Variants in PPIL2 observed in about 807,000 individuals in gnomAD.
PPIL2 encodes the protein peptidylprolyl isomerase like 2.
Under a neutral mutation model 75.2 loss-of-function variants are expected in PPIL2, and 50 were observed. That is an observed-to-expected ratio of 0.66 (90% CI 0.53 to 0.84). The LOEUF (loss-of-function observed/expected upper bound fraction) is 0.84, where lower values mean the gene tolerates loss of function less well. PPIL2 is among the 40% of genes least tolerant of loss of function. The pLI, the probability that PPIL2 is intolerant of heterozygous loss-of-function variation, is 0.00. For synonymous variants in PPIL2, 245 were observed against 258.8 expected (o/e 0.95, Z 0.51); for missense variants, 590 against 685.0 (o/e 0.86, Z 1.55).
chr22:21,667,047 C>G (rs964684730), intron 1 of PPIL2, among the ~76,000 whole-genome samples: 1 of 151,686 alleles, frequency 6.6e-6, no homozygotes, highest in Non-Finnish European at 1.5e-5. Context: ...CCTTTGGTAT[C>G]TGGGATTTCA....
rs751106831 is a variant in PPIL2 at position 21,681,410 on chromosome 22, C to T, written c.387+20C>T. 1.8e-5 allele frequency: 28 copies of T among 1,589,828 alleles called. No individual in the cohort carries two copies. The highest frequency in any genetic ancestry group is 5.0e-5 in the Admixed American group (3 of 59,942). On this transcript the variant is annotated intron_variant, in intron 7 of 19. Coordinates refer to ENST00000398831, the MANE Select transcript of PPIL2 (RefSeq NM_014337.4). ...TATGAGGTGTGTCCTCGCTCCGGGG[C>T]GTGGAGACAGCGGTGGGGAGATCTC...
chr22:21,698,078 ATAACT>A (rs1015215357), downstream of PPIL2: 1 of 152,302 alleles, frequency 6.6e-6, no homozygotes, highest in African/African-American at 2.4e-5. Flanking sequence ...TTTATTTTAA[ATAACT>A]TAAATAGAAG....
rs944945744 is a variant in PPIL2 at position 21,695,850 on chromosome 22, C to T, written c.*360C>T. 8.8e-6 allele frequency: 10 copies of T among 1,137,138 alleles called. No homozygotes were observed. The highest frequency in any genetic ancestry group is 1.1e-5 in the Non-Finnish European group (10 of 917,540). The allele number at this position is 1,137,138 out of a possible 1,614,324, so 70.4% of individuals were successfully genotyped here. The stretch of plus-strand genomic sequence containing the variant: ...TGTGGTTTCCTCTTTAAGACAGGGT[C>T]TTGCTCTGTTGCCCAGGCTCCAGTG... On this transcript the variant is annotated 3_prime_UTR_variant, in exon 20 of 20. Coordinates refer to ENST00000398831, the MANE Select transcript of PPIL2 (RefSeq NM_014337.4).
At chr22:21,680,029 G>T (rs1299403133) in intron 6 of PPIL2, among the ~76,000 whole-genome samples, 1 of 151,134 alleles carries the variant, frequency 6.6e-6, no homozygotes, top group Non-Finnish European at 1.5e-5. Flanking sequence ...GGCGGAGCTT[G>T]CAGTGAGCCG....
At chr22:21,692,131 C>T (rs913994844) in intron 15 of PPIL2, among the ~76,000 whole-genome samples, 15 of 151,676 alleles carry the variant, frequency 9.9e-5, no homozygotes, top group East Asian at 7.7e-4. Context: ...TGGGGTCTGT[C>T]GTGTTCTCCT....
Position 21,666,013 on chromosome 22 carries a change from G to A in PPIL2, c.-87G>A. ...CCGGGGCGCGCCGCGGAACCCGGAA[G>A]TGGTCACGGAACTCGGCTGCGGCTC... is the stretch of plus-strand genomic sequence containing the variant. On this transcript the variant is annotated 5_prime_UTR_variant, in exon 1 of 20. It adds an upstream start codon to the 5' untranslated region. Coordinates refer to ENST00000398831, the MANE Select transcript of PPIL2 (RefSeq NM_014337.4). 8 of 1,494,760 alleles carry A rather than the reference G, an allele frequency of 5.4e-6. No homozygotes were observed. The highest frequency in any genetic ancestry group is 6.4e-6 in the Non-Finnish European group (7 of 1,100,136). 92.6% of individuals were successfully genotyped at this position (1,494,760 alleles called of 1,614,324 possible).
At chr22:21,687,270 G>A (rs1282792124) in intron 12 of PPIL2, among the ~76,000 whole-genome samples, 2 of 152,220 alleles carry the variant, frequency 1.3e-5, no homozygotes, top group Non-Finnish European at 2.9e-5. Flanking sequence ...TCTGGGCCGT[G>A]CGGCTGCACG....
Position 21,669,894 on chromosome 22 carries a change from A to G in PPIL2, c.33-19A>G. On this transcript the variant is annotated intron_variant, in intron 1 of 19. Transcript: ENST00000398831. Reference sequence around the variant, plus strand: ...TTATAAAGGTGGTGGTGGTAGCATTATCTTCCTCTCTTCTTCAGGTACATT... The same window carrying G: ...TTATAAAGGTGGTGGTGGTAGCATTGTCTTCCTCTCTTCTTCAGGTACATT... 6.2e-7 allele frequency: 1 copy of G among 1,611,732 alleles called. No homozygotes were observed. The highest frequency in any genetic ancestry group is 8.5e-7 in the Non-Finnish European group (1 of 1,177,764).
chr22:21,672,287 C>G, intron 4 of PPIL2, 43 bp from the exon 5 acceptor site: 1 of 1,559,208 alleles, frequency 6.4e-7, no homozygotes, highest in Non-Finnish European at 8.8e-7. Context: ...CCAGGTGGCG[C>G]CTAAGCACCC....
At chr22:21,687,101 A>T (rs1227952525) in intron 12 of PPIL2, 103 bp downstream of exon 12, 1 of 1,136,848 alleles carries the variant, frequency 8.8e-7, no homozygotes, top group African/African-American at 1.5e-5. Context: ...TGCTTGTTGT[A>T]GGAAATTCAG....
At chr22:21,687,594 T>TGCCTTTGG in intron 12 of PPIL2, 49 bp from the exon 13 acceptor site, 1 of 746,654 alleles carries the variant, frequency 1.3e-6, no homozygotes, top group Non-Finnish European at 2.1e-6. Context: ...TGTGGTGAGC[T>TGCCTTTGG]GCCTTTGGCA....
At chr22:21,690,835 T>C (rs1050190704) in intron 15 of PPIL2, among the ~76,000 whole-genome samples, 3 of 152,176 alleles carry the variant, frequency 2.0e-5, no homozygotes, top group Non-Finnish European at 4.4e-5. Flanking sequence ...TCAAGTAGGT[T>C]GGGTGCGTGG....
chr22:21,687,154 C>T lies in PPIL2; in HGVS notation c.897+156C>T, dbSNP rs117822297. Among the ~76,000 whole-genome samples the T allele has an allele frequency of 1.8e-3, 280 of 152,218 alleles. 2 individuals are homozygous for T. The East Asian group carries it at 0.045, about 25-fold the overall frequency. Reference sequence around the variant, plus strand: ...CCCGCAGCAGTGCCCTGTGTCCTTCCTAGGGGGCCGCGTTGGCAGCATGGC... The same window carrying T: ...CCCGCAGCAGTGCCCTGTGTCCTTCTTAGGGGGCCGCGTTGGCAGCATGGC... On this transcript the variant is annotated intron_variant, in intron 12 of 19. Coordinates refer to ENST00000398831, the MANE Select transcript of PPIL2 (RefSeq NM_014337.4).
intron 14 of PPIL2, 85 bp downstream of exon 14, chr22:21,688,191 G>GC: frequency 6.5e-7 from 1 of 1,535,304 alleles, no homozygotes; most frequent in Non-Finnish European, 9.0e-7. Context: ...GTTGTGCACA[G>GC]CTCAGACATG....
intron 15 of PPIL2, among the ~76,000 whole-genome samples, chr22:21,693,025 G>C (rs1489344687): frequency 6.6e-6 from 1 of 151,808 alleles, no homozygotes; most frequent in Non-Finnish European, 1.5e-5. Context: ...AGTGCTGTTG[G>C]CTGTTTTAAT....
intron 14 of PPIL2, 82 bp downstream of exon 14, chr22:21,688,188 A>G: frequency 2.0e-6 from 3 of 1,532,394 alleles, no homozygotes; most frequent in Admixed American, 1.7e-5. Flanking sequence ...GGGGTTGTGC[A>G]CAGCTCAGAC....
intron 8 of PPIL2, 149 bp from the exon 9 acceptor site, chr22:21,683,030 ACCT>A: frequency 4.2e-6 from 3 of 715,092 alleles, no homozygotes; most frequent in Non-Finnish European, 5.0e-6. Flanking sequence ...GGGGCAGACC[ACCT>A]CCTCCCTCAT....
Position 21,688,732 on chromosome 22 carries a change from G to T in PPIL2, c.1022G>T (p.Gly341Val). The change falls in exon 15 of 20, where the codon GGT (glycine) becomes GTT (valine). Residue 341 changes from glycine (G) to valine (V), a missense_variant and splice_region_variant. Physicochemically the swap from Gly to Val is moderately radical, Grantham distance 109 (BLOSUM62 -3). Coordinates refer to ENST00000398831, the MANE Select transcript of PPIL2 (RefSeq NM_014337.4). ...QGGDPTGTGT[G>V]GESYWGKPFK... ...GCTCCCATGGGCCTTTCTCTTCCAG[G>T]TGGGGAGTCATACTGGGGGAAGCCC... The T allele has an allele frequency of 6.2e-7, 1 of 1,614,052 alleles. No homozygotes were observed. The highest frequency in any genetic ancestry group is 8.5e-7 in the Non-Finnish European group (1 of 1,179,916).
Position 21,686,760 on chromosome 22 carries a change from G to T in PPIL2, c.791-132G>T, listed in dbSNP as rs1021881754. 3 of 1,065,866 alleles carry T rather than the reference G, an allele frequency of 2.8e-6. No homozygotes were observed. The Admixed American group carries it at 5.5e-5, about 19-fold the overall frequency. 66.0% of individuals were successfully genotyped at this position (1,065,866 alleles called of 1,614,324 possible). A position where few individuals can be genotyped will look rare whatever the true frequency, so the allele number is the denominator to read the frequency against. On this transcript the variant is annotated intron_variant, in intron 11 of 19. Transcript: ENST00000398831. ...CTGTGCGTGGCCTAAGCAGACCCTCGGCCTCCAGCTCCCCTGCTCTCCCCA... is the reference window on the plus strand; with the variant it reads ...CTGTGCGTGGCCTAAGCAGACCCTCTGCCTCCAGCTCCCCTGCTCTCCCCA...
Sources: gnomAD v4.1 joint callset for allele counts (sites outside exome capture counted in the v4.1 genomes callset) on GRCh38, gnomAD v4.1.1 for gene constraint, MANE v1.5 for transcripts, NCBI Gene and HGNC (gene_info 2026-07-23, HGNC 2026-07-21) for gene names.